CACNA2D3: variants seen among roughly 807,000 people sequenced by gnomAD.
CACNA2D3 encodes voltage-dependent calcium channel subunit alpha-2/delta-3.
CACNA2D3 carries 60 observed loss-of-function variants against 160.6 expected under a neutral mutation model. The ratio of observed to expected loss-of-function variants is 0.37; its 90% CI spans 0.30 to 0.46. The LOEUF (loss-of-function observed/expected upper bound fraction) is 0.46. Ranked by LOEUF, CACNA2D3 falls within the 20% of genes least tolerant of loss-of-function variation. The pLI, the probability that CACNA2D3 is intolerant of heterozygous loss-of-function variation, is 1.00. For synonymous variants in CACNA2D3, 558 were observed against 492.9 expected (o/e 1.13, Z -1.75); for missense variants, 1,205 against 1,365.0 (o/e 0.88, Z 1.85).
Position 54,809,048 on chromosome 3 carries a change from GT to G in CACNA2D3, c.1381-7801del, listed in dbSNP as rs1703211939. 2.0e-5 allele frequency among the ~76,000 whole-genome samples: 3 copies of G among 152,106 alleles called. No individual in the cohort carries two copies. In the South Asian group the frequency reaches 6.2e-4, roughly 32 times the overall value. On this transcript the variant is annotated intron_variant, in intron 13 of 37. Coordinates refer to ENST00000474759, the MANE Select transcript of CACNA2D3 (RefSeq NM_018398.3). ...CTCATGAAATAATGTTATTACTACT[GT>G]TTTACGGATGAGACCTCTAGAGTTC...
At chr3:54,998,090 A>G (rs185553532) in intron 31 of CACNA2D3, among the ~76,000 whole-genome samples, 48 of 151,828 alleles carry the variant, frequency 3.2e-4, no homozygotes, top group African/African-American at 1.0e-3. Flanking sequence ...CATCAGAGAT[A>G]ATGTCAACAC....
At chr3:54,366,380 GA>G (rs1391129952) in intron 3 of CACNA2D3, among the ~76,000 whole-genome samples, 4 of 152,316 alleles carry the variant, frequency 2.6e-5, no homozygotes, top group Admixed American at 2.6e-4. Context: ...ACTTCATCTA[GA>G]AAACTTCTTG....
intron 2 of CACNA2D3, among the ~76,000 whole-genome samples, chr3:54,256,290 T>G (rs1034764998): frequency 4.6e-5 from 7 of 152,216 alleles, no homozygotes; most frequent in South Asian, 4.1e-4. Context: ...CTGATTAATA[T>G]GCCTAGCATT....
intron 23 of CACNA2D3, 32 bp from the exon 24 acceptor site, chr3:54,887,927 T>C: frequency 6.4e-7 from 1 of 1,574,588 alleles, no homozygotes; most frequent in Non-Finnish European, 8.7e-7. Flanking sequence ...CCAGCCCTGC[T>C]GAAGCATCCT....
chr3:54,771,656 T>C (rs1702324635), intron 13 of CACNA2D3, among the ~76,000 whole-genome samples: 1 of 152,224 alleles, frequency 6.6e-6, no homozygotes, highest in South Asian at 2.1e-4. Flanking sequence ...AATACATCTC[T>C]CTGATGCTTC....
At chr3:54,994,978 TTTA>T (rs1389711125) in intron 31 of CACNA2D3, among the ~76,000 whole-genome samples, 21 of 152,036 alleles carry the variant, frequency 1.4e-4, no homozygotes, top group South Asian at 6.2e-4. Context: ...TATTTATTTA[TTTA>T]TTTTTTCTTG....
At chr3:54,805,021 A>G (rs1360767821) in intron 13 of CACNA2D3, among the ~76,000 whole-genome samples, 1 of 152,262 alleles carries the variant, frequency 6.6e-6, no homozygotes, top group Non-Finnish European at 1.5e-5. Flanking sequence ...AAGACACAAC[A>G]TACCAGAATC....
chr3:54,817,265 G>T (rs1167333456), intron 14 of CACNA2D3, among the ~76,000 whole-genome samples: 1 of 152,088 alleles, frequency 6.6e-6, no homozygotes, highest in African/African-American at 2.4e-5. Context: ...TTAAATTTGG[G>T]GCTCCTAAGC....
chr3:54,580,857 G>A (rs1423939636), intron 8 of CACNA2D3, among the ~76,000 whole-genome samples: 1 of 152,228 alleles, frequency 6.6e-6, no homozygotes, highest in Non-Finnish European at 1.5e-5. Flanking sequence ...GTCAGCCAGA[G>A]AGAAGAGGTG....
At chr3:54,259,108 C>T (rs994857664) in intron 2 of CACNA2D3, among the ~76,000 whole-genome samples, 7 of 152,350 alleles carry the variant, frequency 4.6e-5, no homozygotes, top group South Asian at 2.1e-4. Flanking sequence ...CTTGGCCCAC[C>T]AATGTCTCAC....
chr3:54,753,962 C>G (rs1271787830), intron 12 of CACNA2D3, among the ~76,000 whole-genome samples: 1 of 152,146 alleles, frequency 6.6e-6, no homozygotes. Flanking sequence ...TACTATATAT[C>G]TCTTGAACTC....
intron 2 of CACNA2D3, among the ~76,000 whole-genome samples, chr3:54,274,769 C>G (rs1484962289): frequency 6.6e-6 from 1 of 152,208 alleles, no homozygotes; most frequent in Admixed American, 6.5e-5. Context: ...CACGCATGGT[C>G]TGAGGGCTTC....
chr3:54,978,826 T>A (rs1202039119), intron 29 of CACNA2D3, among the ~76,000 whole-genome samples: 2 of 145,450 alleles, frequency 1.4e-5, no homozygotes, highest in Non-Finnish European at 3.0e-5. Context: ...TGGCCTAAAT[T>A]ACAGAAAAAA....
chr3:54,227,370 C>T (rs73087960), intron 2 of CACNA2D3, among the ~76,000 whole-genome samples: 6,066 of 152,008 alleles, frequency 0.04, 222 homozygotes, highest in East Asian at 0.21. Context: ...ACTAGTTTAC[C>T]CAGCTTGCAG....
chr3:54,464,923 A>C (rs1297098835), intron 4 of CACNA2D3, among the ~76,000 whole-genome samples: 1 of 152,122 alleles, frequency 6.6e-6, no homozygotes, highest in African/African-American at 2.4e-5. Flanking sequence ...CTTCTCCTTA[A>C]ATACATTTTC....
chr3:54,683,951 C>CA (rs1174347820), intron 11 of CACNA2D3, among the ~76,000 whole-genome samples: 2 of 142,074 alleles, frequency 1.4e-5, no homozygotes, highest in African/African-American at 5.1e-5. Context: ...TGTCTGTGCC[C>CA]AAATTTCCAC....
intron 12 of CACNA2D3, among the ~76,000 whole-genome samples, chr3:54,754,063 A>G (rs1701923887): frequency 6.6e-6 from 1 of 152,212 alleles, no homozygotes; most frequent in Non-Finnish European, 1.5e-5. Context: ...GTTCAATACT[A>G]GGACATAATA....
intron 2 of CACNA2D3, among the ~76,000 whole-genome samples, chr3:54,137,972 A>G (rs1385566435): frequency 6.6e-6 from 1 of 152,270 alleles, no homozygotes; most frequent in Non-Finnish European, 1.5e-5. Context: ...TTCCCCAGTA[A>G]TAACGATCAG....
chr3:54,546,221 G>A (rs1167785170), intron 5 of CACNA2D3, among the ~76,000 whole-genome samples: 1 of 152,160 alleles, frequency 6.6e-6, no homozygotes, highest in Non-Finnish European at 1.5e-5. Context: ...AAGAAATAAA[G>A]ACAGAAACCA....
Sources: gnomAD v4.1 joint callset for allele counts (sites outside exome capture counted in the v4.1 genomes callset) on GRCh38, gnomAD v4.1.1 for gene constraint, MANE v1.5 for transcripts, NCBI Gene and HGNC (gene_info 2026-07-23, HGNC 2026-07-21) for gene names.